The following PCDH15 variants were observed in gnomAD, a reference collection of about 807,000 sequenced individuals.
PCDH15 encodes protocadherin-15.
PCDH15 carries 129 observed loss-of-function variants against 178.5 expected under a neutral mutation model. The observed-to-expected ratio is 0.72, with a 90% CI of 0.63 to 0.84. The LOEUF (loss-of-function observed/expected upper bound fraction) is 0.84. Ranked by LOEUF, PCDH15 falls within the 40% of genes least tolerant of loss-of-function variation. PCDH15 has a pLI of 0.00. For missense variants in PCDH15, 2,230 were observed against 2,099.9 expected (o/e 1.06, Z -1.21); for synonymous variants, 800 against 732.0 (o/e 1.09, Z -1.50).
chr10:55,335,427 G>A (rs1367370907), intron 2 of PCDH15, among the ~76,000 whole-genome samples: 1 of 152,078 alleles, frequency 6.6e-6, no homozygotes, highest in Non-Finnish European at 1.5e-5. Context: ...TAGGAGATTA[G>A]GGAATGAAAA....
intron 18 of PCDH15, among the ~76,000 whole-genome samples, chr10:54,025,306 G>A (rs1236333303): frequency 6.6e-6 from 1 of 152,058 alleles, no homozygotes; most frequent in Non-Finnish European, 1.5e-5. Context: ...ATTCAAGATG[G>A]TCTCACCAGG....
At chr10:54,671,597 CAG>C (rs2094674642) in intron 1 of PCDH15, among the ~76,000 whole-genome samples, 2 of 151,844 alleles carry the variant, frequency 1.3e-5, no homozygotes, top group Admixed American at 6.6e-5. Flanking sequence ...CTGTAATTGA[CAG>C]ATGAAAATTT....
chr10:54,743,292 T>C (rs1168900557), intron 1 of PCDH15, among the ~76,000 whole-genome samples: 3 of 152,100 alleles, frequency 2.0e-5, no homozygotes, highest in Non-Finnish European at 2.9e-5. Context: ...TCAAGGACTA[T>C]TGAAATCTGA....
intron 3 of PCDH15, among the ~76,000 whole-genome samples, chr10:54,492,882 G>A (rs1447785431): frequency 6.6e-6 from 1 of 152,126 alleles, no homozygotes; most frequent in East Asian, 1.9e-4. Context: ...ATTCACAAAA[G>A]ACAGAAGTTT....
intron 2 of PCDH15, among the ~76,000 whole-genome samples, chr10:54,603,629 G>A (rs2092633102): frequency 6.6e-6 from 1 of 151,818 alleles, no homozygotes; most frequent in African/African-American, 2.4e-5. Flanking sequence ...TAGGTAAGGA[G>A]AATTGAAGTA....
rs569642237 is a variant in PCDH15, at chr10:54,597,667, A to G, written c.91+66505T>C. Among the ~76,000 whole-genome samples the G allele has an allele frequency of 4.0e-4, 61 of 152,268 alleles. 3 individuals are homozygous for G. The South Asian group carries it at 0.012, about 31-fold the overall frequency. ...CTGAACAGAGACTGAGACATAATAC[A>G]ACCATTCAAAAGATCAACGAAGCCA... On this transcript the variant is annotated intron_variant, in intron 2 of 37. Transcript: ENST00000644397.
At chr10:55,386,653 C>T (rs1244539823) in intron 2 of PCDH15, among the ~76,000 whole-genome samples, 1 of 152,014 alleles carries the variant, frequency 6.6e-6, no homozygotes, top group Non-Finnish European at 1.5e-5. Flanking sequence ...GCATGTCCAT[C>T]TCTAGGACTC....
chr10:54,833,850 T>G (rs1372583832), intron 3 of PCDH15, among the ~76,000 whole-genome samples: 1 of 152,222 alleles, frequency 6.6e-6, no homozygotes, highest in Non-Finnish European at 1.5e-5. Flanking sequence ...CTGCCTTTTA[T>G]GTTGGGGCTT....
chr10:54,520,324 G>A (rs1332514152), intron 3 of PCDH15, among the ~76,000 whole-genome samples: 1 of 151,752 alleles, frequency 6.6e-6, no homozygotes, highest in Non-Finnish European at 1.5e-5. Context: ...TCTGACAAAG[G>A]GCTAATATCC....
In PCDH15 at chr10:55,090,447, A is replaced by T. The variant is rs773342055; in HGVS notation, c.-80+76129T>A. 3.3e-4 allele frequency among the ~76,000 whole-genome samples: 50 copies of T among 152,148 alleles called. 1 individual carries two copies. The highest frequency in any genetic ancestry group is 7.9e-4 in the Admixed American group (12 of 15,220). ...GAGGGCTAGGATCACACTCTTTTAGATCTCACCCTGGAGCTAAATCTGTAT... is the reference window on the plus strand; with the variant it reads ...GAGGGCTAGGATCACACTCTTTTAGTTCTCACCCTGGAGCTAAATCTGTAT... On this transcript the variant is annotated intron_variant, in intron 2 of 5. Transcript: ENST00000458638.
intron 26 of PCDH15, among the ~76,000 whole-genome samples, chr10:53,871,138 C>T (rs1327087917): frequency 6.6e-6 from 1 of 150,576 alleles, no homozygotes; most frequent in African/African-American, 2.4e-5. Flanking sequence ...TGGAGACCAT[C>T]CTGGCTAACG....
chr10:55,072,641 G>A (rs1379508855), intron 2 of PCDH15, among the ~76,000 whole-genome samples: 10 of 152,002 alleles, frequency 6.6e-5, no homozygotes, highest in Non-Finnish European at 1.2e-4. Flanking sequence ...AGGACAAGAC[G>A]GATTCACAGC....
intron 2 of PCDH15, among the ~76,000 whole-genome samples, chr10:55,149,254 TAATA>T (rs56873379): frequency 0.54 from 80,964 of 151,272 alleles, 22,128 homozygotes; most frequent in South Asian, 0.64. Flanking sequence ...AAATAAATGT[TAATA>T]AATATTCAAA....
intron 1 of PCDH15, among the ~76,000 whole-genome samples, chr10:54,769,628 A>G (rs536527618): frequency 1.3e-5 from 2 of 152,150 alleles, no homozygotes; most frequent in East Asian, 1.9e-4. Context: ...ATGAGAAAGC[A>G]GACTGTGTAC....
At chr10:54,660,200 C>T (rs905370393) in intron 2 of PCDH15, among the ~76,000 whole-genome samples, 1 of 151,834 alleles carries the variant, frequency 6.6e-6, no homozygotes, top group Non-Finnish European at 1.5e-5. Context: ...AATTAAGGAA[C>T]AAAAAGAGAA....
intron 3 of PCDH15, among the ~76,000 whole-genome samples, chr10:54,842,880 T>G (rs539240400): frequency 6.6e-6 from 1 of 151,978 alleles, no homozygotes; most frequent in South Asian, 2.1e-4. Context: ...GTAAATAGGT[T>G]TGCTGTTGCC....
At chr10:55,619,276 T>A (rs1279487773) in intron 2 of PCDH15, among the ~76,000 whole-genome samples, 1 of 152,124 alleles carries the variant, frequency 6.6e-6, no homozygotes, top group East Asian at 1.9e-4. Flanking sequence ...GGCTTTTTTT[T>A]AACATAATAC....
At chr10:55,580,839 G>A (rs1016640988) in intron 2 of PCDH15, among the ~76,000 whole-genome samples, 2 of 152,164 alleles carry the variant, frequency 1.3e-5, no homozygotes, top group Non-Finnish European at 2.9e-5. Flanking sequence ...CCTGAGGAAT[G>A]TTGTACTGGA....
intron 2 of PCDH15, among the ~76,000 whole-genome samples, chr10:55,483,417 G>A (rs1477180632): frequency 6.6e-6 from 1 of 151,740 alleles, no homozygotes; most frequent in Non-Finnish European, 1.5e-5. Context: ...AAGCCACAAT[G>A]TGATGCCATC....
Sources: allele counts gnomAD v4.1 joint callset (sites outside exome capture counted in the v4.1 genomes callset), GRCh38; gene constraint gnomAD v4.1.1; transcripts MANE v1.5; gene names NCBI Gene and HGNC (gene_info 2026-07-23, HGNC 2026-07-21).